ANOS1: variants seen among roughly 807,000 people sequenced by gnomAD.
ANOS1 encodes anosmin-1.
Under a neutral mutation model 59.0 loss-of-function variants are expected in ANOS1, and 6 were observed. That is an observed-to-expected ratio of 0.10 (90% confidence interval 0.06 to 0.20). ANOS1 has a LOEUF of 0.20. Ranked by LOEUF, ANOS1 falls within the 10% of genes least tolerant of loss-of-function variation. The probability of loss-of-function intolerance (pLI) is 1.00; values close to 1 mark genes in which losing one functional copy is unlikely to be tolerated. For synonymous variants in ANOS1, 217 were observed against 223.4 expected, an observed-to-expected ratio of 0.97 and a Z score of 0.25; for missense variants, 433 against 542.3, an observed-to-expected ratio of 0.80 and a Z score of 2.00.
rs189373046 is a variant in ANOS1 at position 8,604,363 on chromosome X, T to G, written c.319-7107A>C. Among the ~76,000 whole-genome samples, 414 of 111,867 alleles carry G rather than the reference T, an allele frequency of 3.7e-3. 2 individuals are homozygous for G. The highest frequency in any genetic ancestry group is 0.013 in the African/African-American group (400 of 30,794). ...TGGAAAGAACCGCAGATGGTCCCAA[T>G]GTCTGGCCAAGACTAGAAATCTGCT... On this transcript the variant is annotated intron_variant, in intron 3 of 13. Coordinates refer to ENST00000262648, the MANE Select transcript of ANOS1 (RefSeq NM_000216.4).
At chrX:8,569,774 CATTT>C (rs1298839434) in intron 7 of ANOS1, among the ~76,000 whole-genome samples, 4 of 112,150 alleles carry the variant, frequency 3.6e-5, no homozygotes, top group African/African-American at 9.7e-5. Context: ...CATTTCTAAA[CATTT>C]ATTTATGGAA....
At chrX:8,569,424 C>T (rs966670994) in intron 7 of ANOS1, among the ~76,000 whole-genome samples, 13 of 112,436 alleles carry the variant, frequency 1.2e-4, no homozygotes, top group East Asian at 5.6e-4. Context: ...GGGCGGATCA[C>T]GAGGTCAGGA....
intron 8 of ANOS1, among the ~76,000 whole-genome samples, chrX:8,560,434 T>C (rs1305125758): frequency 8.9e-6 from 1 of 112,196 alleles, no homozygotes; most frequent in Non-Finnish European, 1.9e-5. Context: ...ATATGGTAAA[T>C]GATTTTGGTT....
intron 6 of ANOS1, among the ~76,000 whole-genome samples, chrX:8,578,519 C>G (rs955345683): frequency 3.6e-5 from 4 of 111,521 alleles, no homozygotes; most frequent in Admixed American, 9.6e-5. Flanking sequence ...GATGTCTGCT[C>G]TAGTTTTACT....
At chrX:8,597,777 T>A (rs1412837110) in intron 3 of ANOS1, among the ~76,000 whole-genome samples, 1 of 98,967 alleles carries the variant, frequency 1.0e-5, no homozygotes, top group Non-Finnish European at 2.0e-5. Context: ...CCTCAGGCAA[T>A]CCTCCTGCCT....
At chrX:8,650,547 G>A (rs1460547580) in intron 2 of ANOS1, among the ~76,000 whole-genome samples, 1 of 111,939 alleles carries the variant, frequency 8.9e-6, no homozygotes, top group Non-Finnish European at 1.9e-5. Flanking sequence ...GTGAAACGTC[G>A]TCTCTACTAG....
chrX:8,645,724 C>T lies in ANOS1; in HGVS notation c.256-22054G>A, dbSNP rs143520818. 3.6e-5 allele frequency among the ~76,000 whole-genome samples: 4 copies of T among 111,920 alleles called. No homozygotes were observed. The East Asian group carries it at 8.5e-4, about 24-fold the overall frequency. ...GCAGCCTCAACTTCCCAGGCTCAAGCGATTCTCCCACCTCAGCCTTCTCAG... is the reference window on the plus strand; with the variant it reads ...GCAGCCTCAACTTCCCAGGCTCAAGTGATTCTCCCACCTCAGCCTTCTCAG... On this transcript the variant is annotated intron_variant, in intron 2 of 13. Coordinates refer to ENST00000262648, the MANE Select transcript of ANOS1 (RefSeq NM_000216.4).
intron 1 of ANOS1, among the ~76,000 whole-genome samples, chrX:8,723,923 CA>C (rs1264925742): frequency 1.8e-5 from 2 of 112,132 alleles, no homozygotes; most frequent in Non-Finnish European, 3.8e-5. Context: ...CTTGCCTGAA[CA>C]GTGCATATTT....
chrX:8,619,552 T>C, intron 3 of ANOS1, among the ~76,000 whole-genome samples: 1 of 110,886 alleles, frequency 9.0e-6, no homozygotes, highest in East Asian at 2.8e-4. Flanking sequence ...TGCAGTAAGC[T>C]GAGATTGCGC....
At chrX:8,620,996 G>A (rs1931282342) in intron 3 of ANOS1, among the ~76,000 whole-genome samples, 1 of 111,881 alleles carries the variant, frequency 8.9e-6, no homozygotes, top group Non-Finnish European at 1.9e-5. Flanking sequence ...TCAGCGATCA[G>A]ATGTAAAAAT....
At chrX:8,535,564 A>C in intron 12 of ANOS1, 27 bp downstream of exon 12, 2 of 1,120,989 alleles carry the variant, frequency 1.8e-6, no homozygotes, top group South Asian at 3.7e-5. Context: ...CCAATGACAC[A>C]GACATAGTAC....
chrX:8,639,911 C>T (rs1175653181), intron 2 of ANOS1, among the ~76,000 whole-genome samples: 2 of 111,014 alleles, frequency 1.8e-5, no homozygotes, highest in Non-Finnish European at 3.8e-5. Flanking sequence ...AGAAAAGACT[C>T]CTGATCACTG....
chrX:8,711,771 A>G (rs1472066738), intron 1 of ANOS1, among the ~76,000 whole-genome samples: 1 of 112,940 alleles, frequency 8.9e-6, no homozygotes, highest in African/African-American at 3.2e-5. Flanking sequence ...TTGATACAAC[A>G]GTAAAGAAAA....
chrX:8,720,874 T>C (rs1483666505), intron 1 of ANOS1, among the ~76,000 whole-genome samples: 1 of 111,828 alleles, frequency 8.9e-6, no homozygotes, highest in Non-Finnish European at 1.9e-5. Flanking sequence ...TACAGTGAGA[T>C]ATGATCATGG....
intron 10 of ANOS1, among the ~76,000 whole-genome samples, chrX:8,538,899 C>CA (rs764814668): frequency 1.8e-5 from 2 of 111,910 alleles, no homozygotes; most frequent in South Asian, 7.5e-4. Context: ...AGAAAATGTT[C>CA]AAAACAAAAA....
chrX:8,636,627 T>C (rs1218498305), intron 2 of ANOS1, among the ~76,000 whole-genome samples: 2 of 111,723 alleles, frequency 1.8e-5, no homozygotes, highest in Admixed American at 1.9e-4. Context: ...AGAAGGAGCT[T>C]GTAACACTGA....
chrX:8,640,175 A>C (rs1458375571), intron 2 of ANOS1, among the ~76,000 whole-genome samples: 2 of 110,155 alleles, frequency 1.8e-5, no homozygotes, highest in Non-Finnish European at 1.9e-5. Context: ...TCCAAATTTC[A>C]CGGCATGATG....
intron 2 of ANOS1, among the ~76,000 whole-genome samples, chrX:8,663,864 T>C (rs192790420): frequency 1.2e-3 from 130 of 111,988 alleles, no homozygotes; most frequent in South Asian, 1.9e-3. Flanking sequence ...ATATGCACCA[T>C]AGAATACTAT....
intron 1 of ANOS1, among the ~76,000 whole-genome samples, chrX:8,712,970 T>A (rs1932820723): frequency 9.0e-6 from 1 of 111,365 alleles, no homozygotes; most frequent in Admixed American, 9.6e-5. Context: ...TGATTACTAA[T>A]GACCCATTCT....
Sources: gnomAD v4.1 joint callset for allele counts (sites outside exome capture counted in the v4.1 genomes callset) on GRCh38, gnomAD v4.1.1 for gene constraint, MANE v1.5 for transcripts, NCBI Gene and HGNC (gene_info 2026-07-23, HGNC 2026-07-21) for gene names.